Variants in USH2A observed in about 807,000 individuals in gnomAD.
USH2A encodes usherin.
A neutral mutation model predicts 538.9 loss-of-function variants in USH2A; 443 were observed. That is an observed-to-expected ratio of 0.82 (90% confidence interval 0.76 to 0.89). USH2A has a LOEUF of 0.89. USH2A is among the 40% of genes least tolerant of loss of function. The pLI is 0.00. For missense variants in USH2A, 6,633 were observed against 6,324.8 expected, an observed-to-expected ratio of 1.05 and a Z score of -1.65; for synonymous variants, 2,413 against 2,273.5, an observed-to-expected ratio of 1.06 and a Z score of -1.75.
chr1:215,630,911 AAGG>A lies in USH2A; in HGVS notation c.15298-1879_15298-1877del, dbSNP rs1360621114. On this transcript the variant is annotated intron_variant, in intron 70 of 71. Coordinates refer to ENST00000307340, the MANE Select transcript of USH2A (RefSeq NM_206933.4). ...AGTGGAAATTAATTGATTAGTGTCTAAGGTAAGTACCACTGCCAGTATTTGTTT... is the reference window on the plus strand; with the variant it reads ...AGTGGAAATTAATTGATTAGTGTCTATAAGTACCACTGCCAGTATTTGTTT... 2.6e-5 allele frequency among the ~76,000 whole-genome samples: 4 copies of A among 152,012 alleles called. No homozygotes were observed. The East Asian group carries it at 7.7e-4, about 29-fold the overall frequency.
In USH2A at chr1:216,292,323, A is replaced by T. The variant is rs1357555705; in HGVS notation, c.1692T>A (p.Gly564=). Residue 564 remains glycine (G), a synonymous_variant, in exon 10 of 72, where the codon GGT becomes GGA. Coordinates refer to ENST00000307340, the MANE Select transcript of USH2A (RefSeq NM_206933.4). ...PLYNDKPFRQ[G]DQVYAFNCKP... Reference sequence around the variant, plus strand: ...TACAATTGAAAGCGTAAACTTGATCACCTTGGCGGAAAGGCTTGTCATTAT... The same window carrying T: ...TACAATTGAAAGCGTAAACTTGATCTCCTTGGCGGAAAGGCTTGTCATTAT... The T allele has an allele frequency of 2.5e-6, 4 of 1,613,940 alleles. No homozygotes were observed. The highest frequency in any genetic ancestry group is 3.4e-6 in the Non-Finnish European group (4 of 1,179,966).
intron 65 of USH2A, among the ~76,000 whole-genome samples, chr1:215,649,952 A>T (rs943579167): frequency 1.3e-5 from 2 of 152,142 alleles, no homozygotes; most frequent in African/African-American, 4.8e-5. Context: ...GCTTCCGGGA[A>T]GTGGCTTGGC....
chr1:216,422,440 T>C lies in USH2A; in HGVS notation c.-104A>G. The C allele has an allele frequency of 6.5e-7, 1 of 1,530,816 alleles. No homozygotes were observed. Among genetic ancestry groups the C allele is most frequent in the Non-Finnish European group, 8.9e-7 (1 of 1,120,792 alleles). 94.8% of individuals were successfully genotyped at this position (1,530,816 alleles called of 1,614,324 possible). On this transcript the variant is annotated 5_prime_UTR_variant, in exon 2 of 72. Coordinates refer to ENST00000307340, the MANE Select transcript of USH2A (RefSeq NM_206933.4). ...TTGAAGCAGGGTACTTTAAGTGATG[T>C]TGCGATACTCCATTTTCTGGAAACT... is the stretch of plus-strand genomic sequence containing the variant.
intron 13 of USH2A, among the ~76,000 whole-genome samples, chr1:216,236,362 A>G (rs2035816671): frequency 1.3e-5 from 2 of 152,122 alleles, no homozygotes; most frequent in South Asian, 2.1e-4. Context: ...TCTATATTGT[A>G]TATTTCTAAT....
chr1:216,250,563 A>G (rs935854448), intron 12 of USH2A, among the ~76,000 whole-genome samples: 1 of 152,222 alleles, frequency 6.6e-6, no homozygotes, highest in South Asian at 2.1e-4. Flanking sequence ...GAACTCATTA[A>G]GTGTAAAACA....
intron 44 of USH2A, among the ~76,000 whole-genome samples, chr1:215,853,624 A>G (rs1664078782): frequency 6.6e-6 from 1 of 152,140 alleles, no homozygotes; most frequent in Non-Finnish European, 1.5e-5. Context: ...ATAAAACTGA[A>G]TGCCTTTAAC....
intron 4 of USH2A, among the ~76,000 whole-genome samples, chr1:216,347,881 G>A (rs1404542115): frequency 6.6e-6 from 1 of 152,094 alleles, no homozygotes; most frequent in East Asian, 1.9e-4. Flanking sequence ...TTTGAAGATT[G>A]TGACATTAGA....
chr1:216,020,704 C>T lies in USH2A; in HGVS notation c.6326-20142G>A, dbSNP rs114259381. Among the ~76,000 whole-genome samples the T allele has an allele frequency of 9.7e-3, 1,476 of 152,232 alleles. 22 individuals carry two copies. Among genetic ancestry groups the T allele is most frequent in the African/African-American group, 0.033 (1,384 of 41,528 alleles). On this transcript the variant is annotated intron_variant, in intron 32 of 71. Coordinates refer to ENST00000307340, the MANE Select transcript of USH2A (RefSeq NM_206933.4). Reference sequence around the variant, plus strand: ...TCAGCTTCACTACTCAATCAGCAACCGCTTGGGAGAAGGGGAGTGGCTGGA... The same window carrying T: ...TCAGCTTCACTACTCAATCAGCAACTGCTTGGGAGAAGGGGAGTGGCTGGA...
chr1:215,734,476 C>T (rs1660097620), intron 60 of USH2A, among the ~76,000 whole-genome samples: 1 of 152,172 alleles, frequency 6.6e-6, no homozygotes, highest in African/African-American at 2.4e-5. Flanking sequence ...ATGCTAGTCT[C>T]TCTTGAAAGT....
intron 3 of USH2A, among the ~76,000 whole-genome samples, chr1:216,394,718 G>GTTTTTTTTTTTT (rs1571775823): frequency 1.7e-5 from 1 of 58,710 alleles, no homozygotes; most frequent in South Asian, 8.3e-4. Context: ...AACTGGTCCA[G>GTTTTTTTTTTTT]TCTTTTTTTT....
intron 49 of USH2A, among the ~76,000 whole-genome samples, chr1:215,812,187 T>C (rs898503906): frequency 6.6e-6 from 1 of 151,760 alleles, no homozygotes; most frequent in South Asian, 2.1e-4. Flanking sequence ...GGTTTAGCCA[T>C]GTTGGCCAGG....
chr1:216,238,604 T>C (rs1055634029), intron 13 of USH2A, among the ~76,000 whole-genome samples: 2 of 152,202 alleles, frequency 1.3e-5, no homozygotes, highest in Non-Finnish European at 2.9e-5. Context: ...GTGTCTCTAA[T>C]GTACCTTCTA....
intron 14 of USH2A, among the ~76,000 whole-genome samples, chr1:216,217,909 T>A (rs961257341): frequency 1.3e-5 from 2 of 152,136 alleles, no homozygotes; most frequent in African/African-American, 2.4e-5. Context: ...AAAAGCAGTG[T>A]TCCTGTCAGC....
intron 14 of USH2A, among the ~76,000 whole-genome samples, chr1:216,217,847 A>G (rs1227442943): frequency 6.6e-6 from 1 of 152,116 alleles, no homozygotes; most frequent in Non-Finnish European, 1.5e-5. Context: ...TATCTTATGG[A>G]TTAGTTTGAA....
rs115779884 is a variant in USH2A, at chr1:215,977,011, G to A, written c.6806-6235C>T. 4.8e-3 allele frequency among the ~76,000 whole-genome samples: 712 copies of A among 147,936 alleles called. 5 individuals carry two copies. Among genetic ancestry groups the A allele is most frequent in the African/African-American group, 0.016 (657 of 39,946 alleles). ...TTTTTTTTTTTTCTTTTTTTTCGGCGGGGTAGGGGAGGCAGTTCCTACCAA... is the reference window on the plus strand; with the variant it reads ...TTTTTTTTTTTTCTTTTTTTTCGGCAGGGTAGGGGAGGCAGTTCCTACCAA... On this transcript the variant is annotated intron_variant, in intron 35 of 71. Transcript: ENST00000307340.
intron 3 of USH2A, among the ~76,000 whole-genome samples, chr1:216,376,485 TC>T (rs67789452): frequency 0.58 from 87,560 of 151,990 alleles, 26,603 homozygotes; most frequent in East Asian, 0.8. Context: ...AAATCCCTAT[TC>T]TTTCAAATAT....
intron 35 of USH2A, among the ~76,000 whole-genome samples, chr1:215,987,995 A>G (rs1355693361): frequency 1.3e-5 from 2 of 152,058 alleles, no homozygotes; most frequent in Non-Finnish European, 2.9e-5. Context: ...AGTTTAGTTT[A>G]TAGCATTTTA....
At chr1:216,095,176 T>C (rs1213411331) in intron 22 of USH2A, among the ~76,000 whole-genome samples, 3 of 151,734 alleles carry the variant, frequency 2.0e-5, no homozygotes, top group Non-Finnish European at 4.4e-5. Context: ...TTCATCATTT[T>C]ATGTTATCCC....
At chr1:216,280,839 T>A (rs2102594425) in intron 11 of USH2A, among the ~76,000 whole-genome samples, 1 of 152,314 alleles carries the variant, frequency 6.6e-6, no homozygotes, top group East Asian at 1.9e-4. Context: ...TCAGGCCATT[T>A]GGGGCTGGCT....
Sources: gnomAD v4.1 joint callset for allele counts (sites outside exome capture counted in the v4.1 genomes callset) on GRCh38, gnomAD v4.1.1 for gene constraint, MANE v1.5 for transcripts, NCBI Gene and HGNC (gene_info 2026-07-23, HGNC 2026-07-21) for gene names.